The following TTLL5 variants were observed in gnomAD, a reference collection of about 807,000 sequenced individuals.
The protein encoded by TTLL5 is tubulin polyglutamylase TTLL5.
A neutral mutation model predicts 168.4 loss-of-function variants in TTLL5; 132 were observed. The observed-to-expected ratio is 0.78, with a 90% confidence interval of 0.68 to 0.91. The LOEUF (loss-of-function observed/expected upper bound fraction) is 0.91, where lower values mean the gene tolerates loss of function less well. Ranked by LOEUF, TTLL5 falls within the 40% of genes least tolerant of loss-of-function variation. The probability of loss-of-function intolerance (pLI) is 0.00; values close to 1 mark genes in which losing one functional copy is unlikely to be tolerated. For synonymous variants in TTLL5, 546 were observed against 558.6 expected, an observed-to-expected ratio of 0.98 and a Z score of 0.32; for missense variants, 1,545 against 1,581.5, an observed-to-expected ratio of 0.98 and a Z score of 0.39.
At chr14:75,692,696 G>A (rs981572589) in intron 6 of TTLL5, among the ~76,000 whole-genome samples, 8 of 152,144 alleles carry the variant, frequency 5.3e-5, no homozygotes, top group Non-Finnish European at 1.0e-4. Flanking sequence ...GGGGAGCGAG[G>A]CAGGGGTCAA....
chr14:75,694,909 G>A (rs377070766), intron 6 of TTLL5, among the ~76,000 whole-genome samples: 21 of 152,104 alleles, frequency 1.4e-4, no homozygotes, highest in African/African-American at 3.9e-4. Context: ...GACGTATGTC[G>A]CCTCAGGACC....
At chr14:75,807,065 G>A (rs570759284) in intron 27 of TTLL5, among the ~76,000 whole-genome samples, 5 of 152,184 alleles carry the variant, frequency 3.3e-5, no homozygotes, top group Admixed American at 2.0e-4. Context: ...ATCACCTAGC[G>A]CAAGGCCTTT....
intron 26 of TTLL5, among the ~76,000 whole-genome samples, chr14:75,789,257 A>T (rs1360050768): frequency 3.9e-5 from 6 of 152,186 alleles, no homozygotes; most frequent in African/African-American, 1.4e-4. Context: ...TAAGATAAGA[A>T]AAAGAAATTA....
At chr14:75,929,491 G>A (rs568891549) in intron 31 of TTLL5, among the ~76,000 whole-genome samples, 14 of 125,224 alleles carry the variant, frequency 1.1e-4, no homozygotes, top group African/African-American at 3.8e-4. Flanking sequence ...TCGCTCTGTC[G>A]CCCAGGCTGG....
intron 26 of TTLL5, among the ~76,000 whole-genome samples, chr14:75,791,331 G>T (rs972504719): frequency 1.2e-4 from 19 of 152,076 alleles, no homozygotes; most frequent in Middle Eastern, 3.2e-3. Flanking sequence ...ATAAGTTGTG[G>T]TGTATTTATA....
chr14:75,925,410 C>G (rs1410316715), intron 31 of TTLL5, among the ~76,000 whole-genome samples: 1 of 19,770 alleles, frequency 5.1e-5, no homozygotes, highest in African/African-American at 2.9e-4. Context: ...CCTCACATCC[C>G]AGACGGGGCG....
At position 75,923,069 on chromosome 14, in the gene TTLL5, T is replaced by C. The variant is rs145451615; in HGVS notation, c.3823+20845T>C. Reference sequence around the variant, plus strand: ...AGTGGTGATATTCCCTTTATCATTTTTTATTGCGTCTATTTGAGTCTTCTC... The same window carrying C: ...AGTGGTGATATTCCCTTTATCATTTCTTATTGCGTCTATTTGAGTCTTCTC... On this transcript the variant is annotated intron_variant, in intron 31 of 31. Coordinates refer to ENST00000298832, the MANE Select transcript of TTLL5 (RefSeq NM_015072.5). 3.3e-4 allele frequency among the ~76,000 whole-genome samples: 50 copies of C among 152,328 alleles called. 1 individual carries two copies. In the East Asian group the frequency reaches 7.9e-3, roughly 24 times the overall value.
At position 75,764,704 on chromosome 14, in the gene TTLL5, T is replaced by G; in HGVS notation, c.1640T>G (p.Leu547Arg). 6.2e-7 allele frequency: 1 copy of G among 1,614,186 alleles called. No homozygotes were observed. The highest frequency in any genetic ancestry group is 8.5e-7 in the Non-Finnish European group (1 of 1,180,010). ...GCTGCACTTTACGAGAGGAAGCTCCTGTCTCTGGAGGTGCGAAAACGTAGA... is the reference window on the plus strand; with the variant it reads ...GCTGCACTTTACGAGAGGAAGCTCCGGTCTCTGGAGGTGCGAAAACGTAGA... ...LHAALYERKL[L>R]SLEVRKRRRR... The change falls in exon 19 of 32, where the codon CTG becomes CGG. Residue 547 changes from leucine (L) to arginine (R), a missense_variant. By Grantham distance (102) the Leu-to-Arg change is moderately radical. Coordinates refer to ENST00000298832, the MANE Select transcript of TTLL5 (RefSeq NM_015072.5).
intron 29 of TTLL5, among the ~76,000 whole-genome samples, chr14:75,875,896 T>C (rs2031447254): frequency 6.6e-6 from 1 of 152,242 alleles, no homozygotes; most frequent in African/African-American, 2.4e-5. Context: ...AGCAGAATTA[T>C]AAATCATTTT....
At chr14:75,823,677 A>G (rs747075278) in intron 28 of TTLL5, among the ~76,000 whole-genome samples, 1 of 152,170 alleles carries the variant, frequency 6.6e-6, no homozygotes, top group East Asian at 1.9e-4. Context: ...CCTCGATATG[A>G]AAGATGGGAG....
At chr14:75,945,996 A>G (rs1595315357) in intron 31 of TTLL5, among the ~76,000 whole-genome samples, 1 of 152,258 alleles carries the variant, frequency 6.6e-6, no homozygotes. Flanking sequence ...AAGCAAAAAT[A>G]TCTTTCATGA....
chr14:75,731,305 T>A (rs1227287737), intron 12 of TTLL5, among the ~76,000 whole-genome samples: 2 of 151,220 alleles, frequency 1.3e-5, no homozygotes, highest in African/African-American at 4.9e-5. Context: ...TTTTTGAGGG[T>A]CACAGGATGG....
At chr14:75,690,080 C>A in intron 5 of TTLL5, 112 bp from the exon 6 acceptor site, 1 of 1,146,462 alleles carries the variant, frequency 8.7e-7, no homozygotes, top group Non-Finnish European at 1.3e-6. Context: ...GGATACAATA[C>A]TATCTTCACT....
intron 29 of TTLL5, among the ~76,000 whole-genome samples, chr14:75,864,960 A>G (rs537928097): frequency 6.6e-6 from 1 of 152,306 alleles, no homozygotes; most frequent in African/African-American, 2.4e-5. Context: ...TATTATTTCA[A>G]CATAGTTCAT....
chr14:75,819,592 T>C (rs1894711448), intron 27 of TTLL5, among the ~76,000 whole-genome samples: 3 of 152,224 alleles, frequency 2.0e-5, no homozygotes, highest in Admixed American at 6.5e-5. Flanking sequence ...AGTGGATTCT[T>C]TGTGTATTAT....
intron 9 of TTLL5, 69 bp downstream of exon 9, chr14:75,707,776 C>T (rs1238523121): frequency 3.9e-6 from 5 of 1,272,532 alleles, no homozygotes; most frequent in Non-Finnish European, 5.6e-6. Context: ...AGAGTGGATC[C>T]ATTAACAAGT....
intron 30 of TTLL5, among the ~76,000 whole-genome samples, chr14:75,892,932 C>G (rs1191355229): frequency 6.6e-6 from 1 of 152,164 alleles, no homozygotes; most frequent in Admixed American, 6.5e-5. Context: ...ACTATATAAT[C>G]TTCAGACACG....
chr14:75,773,098 G>A (rs556625997), intron 21 of TTLL5, among the ~76,000 whole-genome samples: 48 of 152,286 alleles, frequency 3.2e-4, no homozygotes, highest in African/African-American at 1.1e-3. Context: ...CAAAAGGCAA[G>A]TCTTTATGCC....
At chr14:75,672,277 C>T (rs190056800) in intron 3 of TTLL5, among the ~76,000 whole-genome samples, 4 of 152,200 alleles carry the variant, frequency 2.6e-5, no homozygotes, top group African/African-American at 7.2e-5. Context: ...GACGGAGTCT[C>T]GCTCTGTCAC....
Sources: allele counts gnomAD v4.1 joint callset (sites outside exome capture counted in the v4.1 genomes callset), GRCh38; gene constraint gnomAD v4.1.1; transcripts MANE v1.5; gene names NCBI Gene and HGNC (gene_info 2026-07-23, HGNC 2026-07-21).